DCX: variants seen among roughly 807,000 people sequenced by gnomAD.
DCX encodes neuronal migration protein doublecortin.
In DCX, 4 loss-of-function variants were observed where a neutral mutation model predicts 20.9. That is an observed-to-expected ratio of 0.19 (90% CI 0.09 to 0.44). The LOEUF is 0.44. Ranked by LOEUF, DCX falls within the 20% of genes least tolerant of loss-of-function variation. The probability of loss-of-function intolerance (pLI) is 0.99; values close to 1 mark genes in which losing one functional copy is unlikely to be tolerated. For missense variants in DCX, 133 were observed against 296.9 expected (o/e 0.45, Z 4.06); for synonymous variants, 103 against 111.4 (o/e 0.92, Z 0.47).
intron 3 of DCX, among the ~76,000 whole-genome samples, chrX:111,333,870 C>T (rs192336378): frequency 3.8e-4 from 43 of 111,901 alleles, no homozygotes; most frequent in African/African-American, 1.4e-3. Context: ...TCCCCAACCC[C>T]CTTTCTGCAC....
chrX:111,399,095 C>T (rs1927567493), intron 3 of DCX, among the ~76,000 whole-genome samples: 1 of 110,758 alleles, frequency 9.0e-6, no homozygotes, highest in African/African-American at 3.3e-5. Context: ...GCCTGGGTGA[C>T]AGAGTGAGAC....
chrX:111,316,190 C>T lies in DCX; in HGVS notation c.947-3454G>A, dbSNP rs183240058. On this transcript the variant is annotated intron_variant, in intron 5 of 6. Coordinates refer to ENST00000636035, the MANE Select transcript of DCX (RefSeq NM_001195553.2). Reference sequence around the variant, plus strand: ...AGCTGGAAGCATTCCCCTTGAAAACCAGCACAAGACAAGGATGTCCTCTCT... The same window carrying T: ...AGCTGGAAGCATTCCCCTTGAAAACTAGCACAAGACAAGGATGTCCTCTCT... Among the ~76,000 whole-genome samples, 124 of 108,972 alleles carry T rather than the reference C, an allele frequency of 1.1e-3. 2 individuals are homozygous for T. Among genetic ancestry groups the T allele is most frequent in the African/African-American group, 4.0e-3 (119 of 29,921 alleles). The allele number at this position is 108,972 out of a possible 115,157, so 94.6% of individuals were successfully genotyped here. A position where few individuals can be genotyped will look rare whatever the true frequency, so the allele number is the denominator to read the frequency against.
intron 3 of DCX, among the ~76,000 whole-genome samples, chrX:111,364,419 T>A: frequency 8.9e-6 from 1 of 112,291 alleles, no homozygotes; most frequent in East Asian, 2.8e-4. Context: ...TTCTCAACTA[T>A]CCGATTGGCA....
At chrX:111,341,986 GA>G (rs1922280648) in intron 3 of DCX, among the ~76,000 whole-genome samples, 2 of 109,363 alleles carry the variant, frequency 1.8e-5, no homozygotes, top group Non-Finnish European at 1.9e-5. Context: ...AAAATAACCA[GA>G]TAGCATCATT....
At chrX:111,306,998 G>A (rs2095046806) in intron 6 of DCX, among the ~76,000 whole-genome samples, 1 of 110,658 alleles carries the variant, frequency 9.0e-6, no homozygotes, top group Non-Finnish European at 1.9e-5. Flanking sequence ...GCCAGGGGTT[G>A]GATGAAAAGG....
At chrX:111,308,605 A>C (rs2095050624) in intron 6 of DCX, among the ~76,000 whole-genome samples, 1 of 111,190 alleles carries the variant, frequency 9.0e-6, no homozygotes, top group Non-Finnish European at 1.9e-5. Context: ...GCCTTCTGTG[A>C]TTTAAGGGTC....
intron 1 of DCX, chrX:111,410,726 T>C: frequency 8.7e-7 from 1 of 1,143,272 alleles, no homozygotes; most frequent in Non-Finnish European, 1.2e-6. Context: ...GGGGAGATTT[T>C]GAAATAGCTG....
chrX:111,302,255 C>T lies in DCX; in HGVS notation c.1045-512G>A, dbSNP rs993718213. Reference sequence around the variant, plus strand: ...GCCATTTTCATTCAGCATAATTCCCCGGAGACTCATGTAAGCCATTATATG... The same window carrying T: ...GCCATTTTCATTCAGCATAATTCCCTGGAGACTCATGTAAGCCATTATATG... On this transcript the variant is annotated intron_variant, in intron 6 of 6. Transcript: ENST00000636035. Among the ~76,000 whole-genome samples, 27 of 111,913 alleles carry T rather than the reference C, an allele frequency of 2.4e-4. 1 individual carries two copies. Among genetic ancestry groups the T allele is most frequent in the African/African-American group, 8.8e-4 (27 of 30,772 alleles).
chrX:111,340,677 C>T lies in DCX; in HGVS notation c.706-7524G>A, dbSNP rs1380909278. ...GATACCAGAAGAAGGAAGAGACACC[C>T]ATCTTTGCTGTTCTCCAGCCTCCTT... On this transcript the variant is annotated intron_variant, in intron 3 of 6. Coordinates refer to ENST00000636035, the MANE Select transcript of DCX (RefSeq NM_001195553.2). Among the ~76,000 whole-genome samples, 3 of 111,572 alleles carry T rather than the reference C, an allele frequency of 2.7e-5. 1 individual carries two copies.
At chrX:111,322,351 C>G (rs1224939247) in intron 5 of DCX, among the ~76,000 whole-genome samples, 2 of 111,825 alleles carry the variant, frequency 1.8e-5, no homozygotes, top group Non-Finnish European at 3.8e-5. Flanking sequence ...AAAGTTAGCA[C>G]ACCACATACC....
At chrX:111,411,835 A>G (rs1300425755) in intron 1 of DCX, 1 of 111,756 alleles carries the variant, frequency 8.9e-6, no homozygotes, top group Non-Finnish European at 1.9e-5. Context: ...TGCAGTGGTA[A>G]GAGACCCCAC....
At chrX:111,368,932 A>ACACACACACACACAC (rs1924853657) in intron 3 of DCX, among the ~76,000 whole-genome samples, 1 of 109,162 alleles carries the variant, frequency 9.2e-6, no homozygotes, top group African/African-American at 3.3e-5. Flanking sequence ...ACACACACAC[A>ACACACACACACACAC]AAGGGGAGTT....
intron 3 of DCX, among the ~76,000 whole-genome samples, chrX:111,380,603 T>G (rs1925890443): frequency 9.0e-6 from 1 of 111,305 alleles, no homozygotes; most frequent in Non-Finnish European, 1.9e-5. Flanking sequence ...AAGTTTTACT[T>G]TATCCCTCTT....
chrX:111,361,581 G>A (rs1924213894), intron 3 of DCX, among the ~76,000 whole-genome samples: 1 of 111,864 alleles, frequency 8.9e-6, no homozygotes, highest in African/African-American at 3.2e-5. Context: ...TAGGTCTATT[G>A]GGAACTATCT....
At chrX:111,321,984 A>T (rs1473447904) in intron 5 of DCX, among the ~76,000 whole-genome samples, 1 of 112,227 alleles carries the variant, frequency 8.9e-6, no homozygotes, top group Admixed American at 9.4e-5. Flanking sequence ...TAAGCCCAAC[A>T]TTTGAGCCCA....
Position 111,294,751 on chromosome X carries a change from T to C in DCX, c.*6936A>G, listed in dbSNP as rs1175636558. On this transcript the variant is annotated 3_prime_UTR_variant, in exon 7 of 7. Coordinates refer to ENST00000636035, the MANE Select transcript of DCX (RefSeq NM_001195553.2). ...AGAAGAATATATTCTTTTCAGAGGT[T>C]AAAACGAGTTAAGAAATGTGATGTA... 1 of 111,634 alleles carries C rather than the reference T, an allele frequency of 9.0e-6. No homozygotes were observed. Among genetic ancestry groups the C allele is most frequent in the Non-Finnish European group, 1.9e-5 (1 of 53,199 alleles). The allele number at this position is 111,634 out of a possible 1,213,427, so 9.2% of individuals were successfully genotyped here. A position where few individuals can be genotyped will look rare whatever the true frequency, so the allele number is the denominator to read the frequency against.
In DCX at chrX:111,403,338, C is replaced by A. The variant is rs190950123; in HGVS notation, c.365-2008G>T. On this transcript the variant is annotated intron_variant, in intron 2 of 6. Coordinates refer to ENST00000636035, the MANE Select transcript of DCX (RefSeq NM_001195553.2). Reference sequence around the variant, plus strand: ...CATCCAGTCTCCTCTGGAGAGTCAGCTGTGTAGCCCTATTAGGACTTTGGA... The same window carrying A: ...CATCCAGTCTCCTCTGGAGAGTCAGATGTGTAGCCCTATTAGGACTTTGGA... Among the ~76,000 whole-genome samples, 5 of 112,262 alleles carry A rather than the reference C, an allele frequency of 4.5e-5. No individual in the cohort carries two copies. In the East Asian group the frequency reaches 1.4e-3, roughly 32 times the overall value.
intron 3 of DCX, among the ~76,000 whole-genome samples, chrX:111,374,697 G>T (rs1925387710): frequency 9.1e-6 from 1 of 110,256 alleles, no homozygotes; most frequent in South Asian, 3.9e-4. Context: ...CTCACCTCAA[G>T]TAGCATACCC....
chrX:111,348,599 A>T (rs1345263445), intron 3 of DCX, among the ~76,000 whole-genome samples: 1 of 110,891 alleles, frequency 9.0e-6, no homozygotes, highest in East Asian at 2.9e-4. Flanking sequence ...GGCTCAGAGA[A>T]ACAGAGACGA....
Sources: gnomAD v4.1 joint callset for allele counts (sites outside exome capture counted in the v4.1 genomes callset) on GRCh38, gnomAD v4.1.1 for gene constraint, MANE v1.5 for transcripts, NCBI Gene and HGNC (gene_info 2026-07-23, HGNC 2026-07-21) for gene names.